TEX11: variants seen among roughly 807,000 people sequenced by gnomAD.
TEX11 encodes the protein testis-expressed protein 11.
In TEX11, 7 loss-of-function variants were observed where a neutral mutation model predicts 84.4. That is an observed-to-expected ratio of 0.08 (90% CI 0.05 to 0.16). TEX11 has a LOEUF of 0.16. Among genes scored for constraint, TEX11 ranks in the 10% least tolerant of loss-of-function variants. The pLI, the probability that TEX11 is intolerant of heterozygous loss-of-function variation, is 1.00. For synonymous variants in TEX11, 264 were observed against 222.8 expected, an observed-to-expected ratio of 1.18 and a Z score of -1.64; for missense variants, 551 against 660.5, an observed-to-expected ratio of 0.83 and a Z score of 1.82.
chrX:70,779,414 C>CA (rs1401892562), intron 9 of TEX11, among the ~76,000 whole-genome samples: 13,725 of 42,287 alleles, frequency 0.32, 1,684 homozygotes, highest in Admixed American at 0.43. Context: ...GACCCCGTCT[C>CA]AAAAAAAAAA....
At chrX:70,852,967 A>G in intron 7 of TEX11, 67 bp downstream of exon 7, 1 of 1,085,928 alleles carries the variant, frequency 9.2e-7, no homozygotes, top group Non-Finnish European at 1.3e-6. Flanking sequence ...TAGGCTATAT[A>G]TCATCACTTT....
chrX:70,636,909 C>T (rs74907233), intron 17 of TEX11, among the ~76,000 whole-genome samples: 8,832 of 111,515 alleles, frequency 0.079, 434 homozygotes, highest in Admixed American at 0.25. Context: ...CAATAAAGTG[C>T]CTTCCCAGAC....
intron 9 of TEX11, among the ~76,000 whole-genome samples, chrX:70,775,687 C>T (rs781677862): frequency 9.4e-6 from 1 of 106,808 alleles, no homozygotes; most frequent in African/African-American, 3.4e-5. Context: ...GTGATCCCAG[C>T]TACTCAGGAG....
intron 11 of TEX11, among the ~76,000 whole-genome samples, chrX:70,737,248 C>A (rs1244206107): frequency 9.0e-6 from 1 of 110,699 alleles, no homozygotes; most frequent in East Asian, 2.8e-4. Flanking sequence ...TTAGACATTG[C>A]AGAAGAAAGA....
chrX:70,660,685 G>A (rs2089916104), intron 16 of TEX11, among the ~76,000 whole-genome samples: 1 of 111,790 alleles, frequency 8.9e-6, no homozygotes, highest in East Asian at 2.8e-4. Flanking sequence ...TGAAGGACCT[G>A]TCTGAGGCTG....
At chrX:70,850,569 C>T (rs1451060324) in intron 7 of TEX11, among the ~76,000 whole-genome samples, 1 of 81,627 alleles carries the variant, frequency 1.2e-5, no homozygotes, top group Non-Finnish European at 2.3e-5. Context: ...TAGTAAAACC[C>T]TCCCTCTACA....
At chrX:70,885,673 C>T (rs891155918) in intron 2 of TEX11, among the ~76,000 whole-genome samples, 1 of 110,789 alleles carries the variant, frequency 9.0e-6, no homozygotes. Flanking sequence ...AGGTGGATCA[C>T]TTGAGGTCAG....
chrX:70,715,784 C>T (rs898643821), intron 13 of TEX11, among the ~76,000 whole-genome samples: 15 of 112,276 alleles, frequency 1.3e-4, no homozygotes, highest in African/African-American at 4.8e-4. Context: ...GCCTTCTTCT[C>T]TCCACTTGTC....
chrX:70,615,888 T>C (rs1337763587), intron 20 of TEX11, among the ~76,000 whole-genome samples: 1 of 107,168 alleles, frequency 9.3e-6, no homozygotes, highest in African/African-American at 3.7e-5. Context: ...ATTCAAAGTG[T>C]TGAAGGAAAA....
chrX:70,847,483 T>A (rs2091485903), intron 7 of TEX11, among the ~76,000 whole-genome samples: 1 of 111,677 alleles, frequency 9.0e-6, no homozygotes, highest in African/African-American at 3.2e-5. Context: ...TGACCCACAC[T>A]GTTCTAGTCC....
intron 25 of TEX11, among the ~76,000 whole-genome samples, chrX:70,562,090 G>T (rs2088383639): frequency 8.9e-6 from 1 of 112,005 alleles, no homozygotes; most frequent in African/African-American, 3.2e-5. Context: ...TCAGATTTCA[G>T]ACAACCTCCT....
At chrX:70,518,292 A>G in the TEX11 span, among the ~76,000 whole-genome samples, 1 of 111,776 alleles carries the variant, frequency 8.9e-6, no homozygotes, top group South Asian at 3.7e-4. Flanking sequence ...ACACTGCTTT[A>G]AATGTGTCCC....
At chrX:70,633,816 G>A (rs2089538405) in intron 17 of TEX11, among the ~76,000 whole-genome samples, 1 of 111,530 alleles carries the variant, frequency 9.0e-6, no homozygotes, top group Non-Finnish European at 1.9e-5. Context: ...TTCTTGGGAG[G>A]CTGAGGCACG....
chrX:70,713,822 G>A (rs1272019196), intron 13 of TEX11, among the ~76,000 whole-genome samples: 1 of 110,883 alleles, frequency 9.0e-6, no homozygotes, highest in African/African-American at 3.3e-5. Context: ...GTTATTTCTT[G>A]CCTTCTGTTA....
At chrX:70,691,603 C>G (rs1254616575) in intron 13 of TEX11, among the ~76,000 whole-genome samples, 1 of 110,534 alleles carries the variant, frequency 9.0e-6, no homozygotes, top group African/African-American at 3.3e-5. Context: ...TATGTGAAGG[C>G]TAAAAAAAAG....
intron 18 of TEX11, among the ~76,000 whole-genome samples, chrX:70,625,967 C>T (rs1408177152): frequency 1.8e-5 from 2 of 109,886 alleles, no homozygotes; most frequent in African/African-American, 3.3e-5. Context: ...AGGCTGGTCT[C>T]GAACTCCTGA....
At position 70,752,638 on chromosome X, in the gene TEX11, G is replaced by A. The variant is rs189538368; in HGVS notation, c.693-8419C>T. Among the ~76,000 whole-genome samples, 288 of 108,012 alleles carry A rather than the reference G, an allele frequency of 2.7e-3. 3 individuals carry two copies. The highest frequency in any genetic ancestry group is 8.9e-3 in the African/African-American group (264 of 29,523). 93.8% of individuals were successfully genotyped at this position (108,012 alleles called of 115,157 possible). On this transcript the variant is annotated intron_variant, in intron 9 of 29. Coordinates refer to ENST00000374333, the MANE Select transcript of TEX11 (RefSeq NM_031276.3). ...TATTCACCTAAGATCAGCAATTCCA[G>A]AGGTGGAACAAGATGATGGAATAGA...
intron 24 of TEX11, among the ~76,000 whole-genome samples, chrX:70,602,680 T>C (rs1840936471): frequency 9.3e-6 from 1 of 107,801 alleles, no homozygotes; most frequent in African/African-American, 3.4e-5. Flanking sequence ...CTATTCAACA[T>C]AGTGTTGGAA....
chrX:70,618,757 G>A (rs2089348087), intron 20 of TEX11, among the ~76,000 whole-genome samples: 1 of 111,906 alleles, frequency 8.9e-6, no homozygotes, highest in Admixed American at 9.5e-5. Context: ...CACCAATTTG[G>A]GCTGCTGAGT....
Sources: gnomAD v4.1 joint callset for allele counts (sites outside exome capture counted in the v4.1 genomes callset) on GRCh38, gnomAD v4.1.1 for gene constraint, MANE v1.5 for transcripts, NCBI Gene and HGNC (gene_info 2026-07-23, HGNC 2026-07-21) for gene names.